The following MAF variants were observed in gnomAD, a reference collection of about 807,000 sequenced individuals.
MAF encodes transcription factor Maf.
In MAF, 10 loss-of-function variants were observed where a neutral mutation model predicts 22.0. The observed-to-expected ratio is 0.45, with a 90% CI of 0.28 to 0.77. The LOEUF is 0.77. Ranked by LOEUF, MAF falls within the 30% of genes least tolerant of loss-of-function variation. The probability of loss-of-function intolerance (pLI) is 0.12; values close to 1 mark genes in which losing one functional copy is unlikely to be tolerated. For missense variants in MAF, 544 were observed against 548.4 expected (o/e 0.99, Z 0.08); for synonymous variants, 337 against 255.8 (o/e 1.32, Z -3.03).
the MAF span, among the ~76,000 whole-genome samples, chr16:79,280,308 T>C: frequency 6.6e-6 from 1 of 152,340 alleles, no homozygotes; most frequent in African/African-American, 2.4e-5. Context: ...ACCTCAACAT[T>C]TGTGGGGACT....
the MAF span, among the ~76,000 whole-genome samples, chr16:79,411,234 G>A: frequency 3.6e-3 from 526 of 145,766 alleles, no homozygotes; most frequent in Non-Finnish European, 5.3e-3. Flanking sequence ...CGCCTTTCTC[G>A]TTATTTTTTG....
At chr16:79,520,385 C>T in the MAF span, among the ~76,000 whole-genome samples, 2 of 152,162 alleles carry the variant, frequency 1.3e-5, no homozygotes, top group Admixed American at 1.3e-4. Context: ...ACCTCCTTCT[C>T]ATCACCAGGA....
chr16:79,407,221 G>A, the MAF span, among the ~76,000 whole-genome samples: 4 of 152,170 alleles, frequency 2.6e-5, no homozygotes, highest in African/African-American at 7.2e-5. Context: ...TCGGTGTCCT[G>A]GACGCGTTGC....
At chr16:79,457,617 T>C in the MAF span, among the ~76,000 whole-genome samples, 1 of 152,142 alleles carries the variant, frequency 6.6e-6, no homozygotes, top group Non-Finnish European at 1.5e-5. Flanking sequence ...CATGTGTACA[T>C]ATACATTTGT....
the MAF span, among the ~76,000 whole-genome samples, chr16:79,274,200 C>T: frequency 6.6e-6 from 1 of 151,832 alleles, no homozygotes; most frequent in Non-Finnish European, 1.5e-5. Flanking sequence ...GGTGATCCAC[C>T]TGCCTTGACC....
the MAF span, among the ~76,000 whole-genome samples, chr16:79,487,273 C>G: frequency 7.3e-5 from 11 of 151,078 alleles, no homozygotes; most frequent in Non-Finnish European, 1.6e-4. Flanking sequence ...CAAAACTAAT[C>G]TATGATGATA....
At chr16:79,213,732 A>G in the MAF span, among the ~76,000 whole-genome samples, 9 of 152,230 alleles carry the variant, frequency 5.9e-5, no homozygotes, top group African/African-American at 1.7e-4. Flanking sequence ...CAGACTATCC[A>G]GCCCCAGCTG....
At chr16:79,528,216 C>T in the MAF span, among the ~76,000 whole-genome samples, 1 of 152,126 alleles carries the variant, frequency 6.6e-6, no homozygotes, top group African/African-American at 2.4e-5. Context: ...GCTTCTTCTG[C>T]CCTCTTTAGT....
the MAF span, among the ~76,000 whole-genome samples, chr16:79,329,892 T>C: frequency 6.6e-6 from 1 of 152,196 alleles, no homozygotes; most frequent in Non-Finnish European, 1.5e-5. Context: ...AAATGTTGGT[T>C]ATATGGTTAA....
the MAF span, among the ~76,000 whole-genome samples, chr16:79,542,122 G>A: frequency 6.6e-5 from 10 of 152,186 alleles, no homozygotes; most frequent in East Asian, 1.9e-4. Context: ...AACTGCTAAT[G>A]ACAATTCAGC....
chr16:79,339,124 C>T, the MAF span, among the ~76,000 whole-genome samples: 1 of 152,062 alleles, frequency 6.6e-6, no homozygotes, highest in Non-Finnish European at 1.5e-5. Flanking sequence ...GGCTGGAGCG[C>T]AGTGGCACCA....
the MAF span, among the ~76,000 whole-genome samples, chr16:79,299,463 C>T: frequency 6.6e-6 from 1 of 152,088 alleles, no homozygotes; most frequent in African/African-American, 2.4e-5. Flanking sequence ...AAATGCCAGG[C>T]CTGGGCGCAA....
chr16:79,324,026 A>T, the MAF span, among the ~76,000 whole-genome samples: 1 of 152,032 alleles, frequency 6.6e-6, no homozygotes, highest in African/African-American at 2.4e-5. Context: ...TAAGGGAGGG[A>T]TATTGTTTTC....
chr16:79,589,326 A>G (rs537966750), downstream of MAF, among the ~76,000 whole-genome samples: 1 of 152,294 alleles, frequency 6.6e-6, no homozygotes, highest in South Asian at 2.1e-4. Flanking sequence ...CAATCCTCAT[A>G]AAGTTTGCTT....
chr16:79,508,114 G>C, the MAF span, among the ~76,000 whole-genome samples: 1 of 152,154 alleles, frequency 6.6e-6, no homozygotes, highest in African/African-American at 2.4e-5. Flanking sequence ...GCGCAGCATG[G>C]GAGCAACCCT....
At chr16:79,529,157 A>AATTAC in the MAF span, among the ~76,000 whole-genome samples, 1 of 152,180 alleles carries the variant, frequency 6.6e-6, no homozygotes, top group Non-Finnish European at 1.5e-5. Context: ...GGATGTGGGA[A>AATTAC]ATTACACACT....
chr16:79,214,911 T>C, the MAF span, among the ~76,000 whole-genome samples: 1 of 151,518 alleles, frequency 6.6e-6, no homozygotes, highest in Non-Finnish European at 1.5e-5. Flanking sequence ...GGTTTGACCA[T>C]GTTGGCCAGG....
the MAF span, among the ~76,000 whole-genome samples, chr16:79,236,517 T>C: frequency 6.6e-6 from 1 of 152,094 alleles, no homozygotes; most frequent in Non-Finnish European, 1.5e-5. Context: ...TTTAGTCTTG[T>C]TTCTCTCATT....
chr16:79,420,469 A>G, the MAF span, among the ~76,000 whole-genome samples: 23 of 152,258 alleles, frequency 1.5e-4, no homozygotes, highest in South Asian at 4.8e-3. Flanking sequence ...GAGTATTTTT[A>G]TTTTAGAGAA....
Sources: gnomAD v4.1 joint callset for allele counts (sites outside exome capture counted in the v4.1 genomes callset) on GRCh38, gnomAD v4.1.1 for gene constraint, MANE v1.5 for transcripts, NCBI Gene and HGNC (gene_info 2026-07-23, HGNC 2026-07-21) for gene names.